GMPR: variants seen among roughly 807,000 people sequenced by gnomAD.
GMPR encodes the protein GMP reductase 1.
Under a neutral mutation model 38.4 loss-of-function variants are expected in GMPR, and 31 were observed. The observed-to-expected ratio is 0.81, with a 90% CI of 0.61 to 1.09. The LOEUF is 1.09. Among genes scored for constraint, GMPR ranks in the 50% least tolerant of loss-of-function variants. The pLI is 0.00. For synonymous variants in GMPR, 162 were observed against 173.3 expected, an observed-to-expected ratio of 0.93 and a Z score of 0.51; for missense variants, 468 against 453.7, an observed-to-expected ratio of 1.03 and a Z score of -0.29.
At chr6:16,241,124 A>C (rs1758640569) in intron 1 of GMPR, among the ~76,000 whole-genome samples, 1 of 152,172 alleles carries the variant, frequency 6.6e-6, no homozygotes, top group Admixed American at 6.5e-5. Flanking sequence ...ATCCTGGCAG[A>C]AGTAATATCT....
At chr6:16,266,810 A>G (rs1186425144) in intron 4 of GMPR, among the ~76,000 whole-genome samples, 1 of 151,812 alleles carries the variant, frequency 6.6e-6, no homozygotes, top group Non-Finnish European at 1.5e-5. Flanking sequence ...AAACAAAAAA[A>G]GAGCTGTAAC....
intron 4 of GMPR, among the ~76,000 whole-genome samples, chr6:16,264,076 G>A (rs139248045): frequency 6.6e-6 from 1 of 152,076 alleles, no homozygotes; most frequent in East Asian, 1.9e-4. Context: ...TCCCTGCGTG[G>A]TCTGACACCT....
At chr6:16,273,665 C>T (rs1372628146) in intron 4 of GMPR, among the ~76,000 whole-genome samples, 2 of 152,162 alleles carry the variant, frequency 1.3e-5, no homozygotes, top group African/African-American at 2.4e-5. Context: ...TTCTTAACTG[C>T]GTTTTCTAAT....
chr6:16,256,696 G>A (rs969211947), intron 4 of GMPR, among the ~76,000 whole-genome samples: 1 of 152,154 alleles, frequency 6.6e-6, no homozygotes, highest in African/African-American at 2.4e-5. Flanking sequence ...AATAAGAAAT[G>A]TATATGTGTT....
In GMPR at chr6:16,253,537, C is replaced by T. The variant is rs188808161; in HGVS notation, c.292-1025C>T. Reference sequence around the variant, plus strand: ...CTCCTGTGAACTCAGACCGAGAGATCACCAAGGGGATGGCCCAAGCCATTG... The same window carrying T: ...CTCCTGTGAACTCAGACCGAGAGATTACCAAGGGGATGGCCCAAGCCATTG... On this transcript the variant is annotated intron_variant, in intron 3 of 8. Coordinates refer to ENST00000259727, the MANE Select transcript of GMPR (RefSeq NM_006877.4). Among the ~76,000 whole-genome samples, 842 of 152,238 alleles carry T rather than the reference C, an allele frequency of 5.5e-3. 8 individuals are homozygous for T. The highest frequency in any genetic ancestry group is 0.019 in the African/African-American group (792 of 41,540).
intron 1 of GMPR, among the ~76,000 whole-genome samples, chr6:16,245,230 C>T (rs990015817): frequency 1.3e-5 from 2 of 152,156 alleles, no homozygotes; most frequent in Non-Finnish European, 2.9e-5. Flanking sequence ...TGCGTAGGTT[C>T]GTGCACTTCC....
chr6:16,281,519 T>G (rs1759573750), intron 6 of GMPR, among the ~76,000 whole-genome samples: 2 of 152,308 alleles, frequency 1.3e-5, no homozygotes, highest in South Asian at 4.1e-4. Flanking sequence ...ATTTTTTATT[T>G]TTTTGAGATG....
chr6:16,289,803 C>T (rs951921109), intron 7 of GMPR: 4 of 143,358 alleles, frequency 2.8e-5, no homozygotes, highest in Admixed American at 7.1e-5. Context: ...GGAGTCATAG[C>T]ATTAAGTACA....
intron 4 of GMPR, among the ~76,000 whole-genome samples, chr6:16,265,612 CAAGCAGCGCTGTGTCTAGCTA>C (rs1342926385): frequency 1.4e-5 from 2 of 145,370 alleles, no homozygotes; most frequent in Non-Finnish European, 3.1e-5. Flanking sequence ...AAAATAGCAC[CAAGCAGCGCTGTGTCTAGCTA>C]AAGCAGCACT....
At chr6:16,255,305 A>T (rs1758952423) in intron 4 of GMPR, among the ~76,000 whole-genome samples, 1 of 151,896 alleles carries the variant, frequency 6.6e-6, no homozygotes, top group South Asian at 2.1e-4. Context: ...GAGCCACCAC[A>T]CTCAGCCCCA....
chr6:16,256,215 C>CAA (rs558494585), intron 4 of GMPR, among the ~76,000 whole-genome samples: 90 of 112,358 alleles, frequency 8.0e-4, no homozygotes, highest in East Asian at 4.4e-3. Context: ...GACTCCGTCT[C>CAA]AAAAAAAAAA....
chr6:16,245,379 G>C (rs548046330), intron 1 of GMPR, among the ~76,000 whole-genome samples: 1 of 152,274 alleles, frequency 6.6e-6, no homozygotes, highest in South Asian at 2.1e-4. Context: ...GGGCCAGAGC[G>C]GTCCCATGGT....
intron 1 of GMPR, among the ~76,000 whole-genome samples, chr6:16,241,644 C>G (rs530811494): frequency 6.6e-6 from 1 of 152,182 alleles, no homozygotes; most frequent in Non-Finnish European, 1.5e-5. Context: ...TCATCTGTTA[C>G]GCTGGGGAGC....
intron 6 of GMPR, among the ~76,000 whole-genome samples, chr6:16,283,937 T>G (rs1296740598): frequency 6.6e-6 from 1 of 152,230 alleles, no homozygotes; most frequent in African/African-American, 2.4e-5. Context: ...AAGGGCATTT[T>G]GAGGTTGTAC....
At chr6:16,289,912 C>T (rs1387596262) in intron 7 of GMPR, 1 of 119,146 alleles carries the variant, frequency 8.4e-6, no homozygotes, top group African/African-American at 3.4e-5. Context: ...CTCTGTTGCC[C>T]AGGTTGGAGT....
At chr6:16,283,353 T>C (rs142340839) in intron 6 of GMPR, among the ~76,000 whole-genome samples, 2 of 152,324 alleles carry the variant, frequency 1.3e-5, no homozygotes, top group East Asian at 1.9e-4. Flanking sequence ...ATGTATGTCT[T>C]GATTGCTGGA....
chr6:16,262,336 TGC>T (rs1759104075), intron 4 of GMPR: 1 of 152,010 alleles, frequency 6.6e-6, no homozygotes, highest in African/African-American at 2.4e-5. Context: ...TGGGAGTGGC[TGC>T]CAGGTGAGTT....
At chr6:16,255,037 G>C (rs1758947985) in intron 4 of GMPR, among the ~76,000 whole-genome samples, 1 of 150,374 alleles carries the variant, frequency 6.7e-6, no homozygotes, top group Non-Finnish European at 1.5e-5. Context: ...TTGAGAAGGA[G>C]TCTCACTCTG....
chr6:16,266,206 C>T (rs147850416), intron 4 of GMPR, among the ~76,000 whole-genome samples: 2 of 146,798 alleles, frequency 1.4e-5, no homozygotes, highest in Admixed American at 6.8e-5. Flanking sequence ...CTGTAACACT[C>T]GCTGCGAAGA....
Sources: gnomAD v4.1 joint callset for allele counts (sites outside exome capture counted in the v4.1 genomes callset) on GRCh38, gnomAD v4.1.1 for gene constraint, MANE v1.5 for transcripts, NCBI Gene and HGNC (gene_info 2026-07-23, HGNC 2026-07-21) for gene names.